RBMS3: variants seen among roughly 807,000 people sequenced by gnomAD.
RBMS3 encodes the protein RNA-binding motif, single-stranded-interacting protein 3.
RBMS3 carries 27 observed loss-of-function variants against 66.8 expected under a neutral mutation model. That is an observed-to-expected ratio of 0.40 (90% CI 0.30 to 0.56). The LOEUF (loss-of-function observed/expected upper bound fraction) is 0.56, where lower values mean the gene tolerates loss of function less well. RBMS3 is among the 20% of genes least tolerant of loss of function. The probability of loss-of-function intolerance (pLI) is 0.40; values close to 1 mark genes in which losing one functional copy is unlikely to be tolerated. For synonymous variants in RBMS3, 188 were observed against 183.0 expected (o/e 1.03, Z -0.22); for missense variants, 513 against 549.5 (o/e 0.93, Z 0.66).
At chr3:29,651,802 G>A (rs1036407448) in intron 4 of RBMS3, among the ~76,000 whole-genome samples, 1 of 152,096 alleles carries the variant, frequency 6.6e-6, no homozygotes, top group African/African-American at 2.4e-5. Flanking sequence ...ATGGTTGATA[G>A]CTTTGCAAGA....
chr3:29,839,348 A>G (rs1021991751), intron 6 of RBMS3, among the ~76,000 whole-genome samples: 1 of 152,142 alleles, frequency 6.6e-6, no homozygotes, highest in African/African-American at 2.4e-5. Flanking sequence ...TAGTCAGGAA[A>G]GCTTCTGTTG....
intron 2 of RBMS3, 113 bp from the exon 3 acceptor site, chr3:29,488,327 TG>T (rs1434275952): frequency 1.3e-6 from 1 of 749,458 alleles, no homozygotes; most frequent in African/African-American, 1.8e-5. Context: ...ATCCAGAGCT[TG>T]TTTTCTTGGT....
rs186617141 is a variant in RBMS3, at chr3:29,731,222, A to T, written c.400-8498A>T. ...GAATTAAACCTTCCAATTGAACTTG[A>T]GGACATGAACTCCAGTTGCTGACAC... On this transcript the variant is annotated intron_variant, in intron 4 of 14. Coordinates refer to ENST00000383767, the MANE Select transcript of RBMS3 (RefSeq NM_001003793.3). 6.6e-5 allele frequency among the ~76,000 whole-genome samples: 10 copies of T among 152,366 alleles called. 1 individual carries two copies. The East Asian group carries it at 1.9e-3, about 29-fold the overall frequency.
chr3:29,485,736 G>C (rs2043296325), intron 2 of RBMS3, among the ~76,000 whole-genome samples: 1 of 152,170 alleles, frequency 6.6e-6, no homozygotes, highest in Admixed American at 6.5e-5. Context: ...AATTGGATTT[G>C]TCTGAAAGCT....
At chr3:29,700,541 G>A (rs1269455439) in intron 4 of RBMS3, among the ~76,000 whole-genome samples, 1 of 152,132 alleles carries the variant, frequency 6.6e-6, no homozygotes, top group Non-Finnish European at 1.5e-5. Context: ...AATTTTACTT[G>A]CTCTCAAGGG....
At chr3:29,993,518 T>A (rs1480276061) in intron 14 of RBMS3, among the ~76,000 whole-genome samples, 1 of 152,206 alleles carries the variant, frequency 6.6e-6, no homozygotes, top group African/African-American at 2.4e-5. Context: ...TGGATGAGGT[T>A]AATATTTGAA....
At chr3:29,937,884 G>A (rs1318329580) in intron 11 of RBMS3, among the ~76,000 whole-genome samples, 1 of 151,862 alleles carries the variant, frequency 6.6e-6, no homozygotes, top group Non-Finnish European at 1.5e-5. Flanking sequence ...TTAATATATT[G>A]TAGATTTCCC....
At chr3:29,804,080 C>T (rs550836808) in intron 6 of RBMS3, among the ~76,000 whole-genome samples, 147 of 152,158 alleles carry the variant, frequency 9.7e-4, no homozygotes, top group Non-Finnish European at 1.8e-3. Flanking sequence ...CCCTGGACTA[C>T]CAGGTTTCAT....
intron 6 of RBMS3, among the ~76,000 whole-genome samples, chr3:29,790,932 C>T (rs1370087031): frequency 6.6e-6 from 1 of 152,170 alleles, no homozygotes; most frequent in Non-Finnish European, 1.5e-5. Context: ...TGATACTGCA[C>T]TCTGCAGACC....
intron 14 of RBMS3, among the ~76,000 whole-genome samples, chr3:29,994,929 C>G: frequency 6.6e-6 from 1 of 152,220 alleles, no homozygotes; most frequent in Non-Finnish European, 1.5e-5. Flanking sequence ...TGGAGAATGA[C>G]TTTGACGAGC....
chr3:29,563,676 T>C (rs905789469), intron 3 of RBMS3, among the ~76,000 whole-genome samples: 1 of 152,152 alleles, frequency 6.6e-6, no homozygotes, highest in Non-Finnish European at 1.5e-5. Context: ...AATAACTTTT[T>C]AAAAAAACTT....
chr3:29,310,018 G>A (rs778330573), intron 1 of RBMS3, among the ~76,000 whole-genome samples: 6 of 151,644 alleles, frequency 4.0e-5, no homozygotes, highest in Non-Finnish European at 7.4e-5. Context: ...GATCTGAGTC[G>A]AAGGAGGAGG....
At chr3:29,633,679 G>A (rs997867636) in intron 4 of RBMS3, among the ~76,000 whole-genome samples, 2 of 151,780 alleles carry the variant, frequency 1.3e-5, no homozygotes, top group Non-Finnish European at 2.9e-5. Context: ...AGTACAAGTA[G>A]AGGAAGACAT....
chr3:29,959,946 AC>A (rs893361530), intron 12 of RBMS3, among the ~76,000 whole-genome samples: 3 of 152,050 alleles, frequency 2.0e-5, no homozygotes, highest in African/African-American at 7.2e-5. Flanking sequence ...GTGGGGACAT[AC>A]CCAAACCATA....
At chr3:29,600,829 T>A (rs2048118832) in intron 4 of RBMS3, among the ~76,000 whole-genome samples, 1 of 152,038 alleles carries the variant, frequency 6.6e-6, no homozygotes, top group South Asian at 2.1e-4. Flanking sequence ...GGTAGGGAAG[T>A]GGGGTCATTT....
chr3:29,509,452 C>T (rs1342659605), intron 3 of RBMS3, among the ~76,000 whole-genome samples: 1 of 152,154 alleles, frequency 6.6e-6, no homozygotes, highest in Admixed American at 6.5e-5. Context: ...TTATTGTCTT[C>T]ATTTTCTAGG....
intron 3 of RBMS3, among the ~76,000 whole-genome samples, chr3:29,578,441 T>G (rs777036058): frequency 6.6e-6 from 1 of 152,190 alleles, no homozygotes; most frequent in Non-Finnish European, 1.5e-5. Context: ...AGAAAAGTAA[T>G]CTGGAGTATA....
intron 11 of RBMS3, among the ~76,000 whole-genome samples, chr3:29,941,245 C>G (rs1056116168): frequency 1.3e-5 from 2 of 151,786 alleles, no homozygotes; most frequent in African/African-American, 2.4e-5. Flanking sequence ...TAGCATTTTT[C>G]AGTCACACCA....
intron 3 of RBMS3, among the ~76,000 whole-genome samples, chr3:29,530,913 C>T (rs2148992877): frequency 6.6e-6 from 1 of 151,664 alleles, no homozygotes; most frequent in Non-Finnish European, 1.5e-5. Context: ...ATAATCTGAT[C>T]TAAAAGGTTT....
Sources: gnomAD v4.1 joint callset for allele counts (sites outside exome capture counted in the v4.1 genomes callset) on GRCh38, gnomAD v4.1.1 for gene constraint, MANE v1.5 for transcripts, NCBI Gene and HGNC (gene_info 2026-07-23, HGNC 2026-07-21) for gene names.